Variants in CSMD1 observed in about 807,000 individuals in gnomAD.
The protein encoded by CSMD1 is CUB and sushi domain-containing protein 1.
In CSMD1, 213 loss-of-function variants were observed where a neutral mutation model predicts 417.5. That is an observed-to-expected ratio of 0.51 (90% CI 0.46 to 0.57). The LOEUF (loss-of-function observed/expected upper bound fraction) is 0.57, where lower values mean the gene tolerates loss of function less well. CSMD1 is among the 20% of genes least tolerant of loss of function. CSMD1 has a pLI of 0.00. For missense variants in CSMD1, 6,923 were observed against 4,529.7 expected, an observed-to-expected ratio of 1.53 and a Z score of -15.17; for synonymous variants, 2,862 against 1,736.8, an observed-to-expected ratio of 1.65 and a Z score of -16.11.
Position 2,935,668 on chromosome 8 carries a change from A to C in CSMD1, c.*2917T>G, listed in dbSNP as rs965052101. The C allele has an allele frequency of 1.3e-5, 2 of 152,210 alleles. No individual in the cohort carries two copies. Among genetic ancestry groups the C allele is most frequent in the African/African-American group, 4.8e-5 (2 of 41,464 alleles). The allele number at this position is 152,210 out of a possible 1,614,324, so 9.4% of individuals were successfully genotyped here. A position where few individuals can be genotyped will look rare whatever the true frequency, so the allele number is the denominator to read the frequency against. ...TTTACAAATTCTTCATAAAAAATATATCTCTGTACAAAAAGGTCTTTCGCA... is the reference window on the plus strand; with the variant it reads ...TTTACAAATTCTTCATAAAAAATATCTCTCTGTACAAAAAGGTCTTTCGCA... On this transcript the variant is annotated 3_prime_UTR_variant, in exon 70 of 70. Transcript: ENST00000635120.
intron 18 of CSMD1, among the ~76,000 whole-genome samples, chr8:3,372,792 G>T (rs185799993): frequency 6.6e-6 from 1 of 152,176 alleles, no homozygotes; most frequent in African/African-American, 2.4e-5. Flanking sequence ...GGCCATGGAA[G>T]AGGGTTGAGC....
chr8:4,202,863 C>T (rs928858832), intron 3 of CSMD1, among the ~76,000 whole-genome samples: 3 of 152,110 alleles, frequency 2.0e-5, no homozygotes, highest in African/African-American at 7.2e-5. Flanking sequence ...ATGCAGGTAC[C>T]TGAGAAATAG....
At chr8:3,394,000 TAAAA>T (rs1162857302) in intron 17 of CSMD1, among the ~76,000 whole-genome samples, 4 of 29,416 alleles carry the variant, frequency 1.4e-4, no homozygotes, top group Admixed American at 5.1e-4. Flanking sequence ...ATAATAATAA[TAAAA>T]AAATAAATTA....
At chr8:3,686,219 C>A (rs1175864105) in intron 7 of CSMD1, among the ~76,000 whole-genome samples, 1 of 152,114 alleles carries the variant, frequency 6.6e-6, no homozygotes, top group Non-Finnish European at 1.5e-5. Flanking sequence ...GTGGGTCACC[C>A]CCTTGAGTTA....
rs552779823 is a variant in CSMD1 at position 4,517,640 on chromosome 8, G to A, written c.303-97575C>T. Among the ~76,000 whole-genome samples the A allele has an allele frequency of 5.9e-5, 9 of 152,246 alleles. No individual in the cohort carries two copies. The South Asian group carries it at 8.3e-4, about 14-fold the overall frequency. ...GAGCCTTTAAACACCTAAGAGCCAC[G>A]AAGTTATTCAAACTGAATAAATGGG... On this transcript the variant is annotated intron_variant, in intron 2 of 69. Transcript: ENST00000635120.
rs1797558444 is a variant in CSMD1, at chr8:4,035,287, T to C, written c.416-3188A>G. ...CATACAAATCTTCAGCACATACAAT[T>C]AGGTTCACTGCATATGCTTGATGAT... On this transcript the variant is annotated intron_variant, in intron 3 of 69. Coordinates refer to ENST00000635120, the MANE Select transcript of CSMD1 (RefSeq NM_033225.6). Among the ~76,000 whole-genome samples, 3 of 152,284 alleles carry C rather than the reference T, an allele frequency of 2.0e-5. No individual in the cohort carries two copies. In the South Asian group the frequency reaches 6.2e-4, roughly 32 times the overall value.
intron 1 of CSMD1, among the ~76,000 whole-genome samples, chr8:4,956,834 C>G (rs1388173332): frequency 3.3e-5 from 5 of 152,274 alleles, no homozygotes; most frequent in African/African-American, 1.2e-4. Context: ...CTTCCACGCA[C>G]CTCCTGCAGA....
At chr8:4,715,064 G>C (rs774751108) in intron 1 of CSMD1, among the ~76,000 whole-genome samples, 1 of 152,000 alleles carries the variant, frequency 6.6e-6, no homozygotes, top group Non-Finnish European at 1.5e-5. Flanking sequence ...TGTTATTTAA[G>C]TCCAGATAAT....
chr8:3,813,182 C>T (rs1295323840), intron 5 of CSMD1, among the ~76,000 whole-genome samples: 1 of 148,408 alleles, frequency 6.7e-6, no homozygotes, highest in Non-Finnish European at 1.5e-5. Flanking sequence ...AAATTCATGA[C>T]ATAATTTTAC....
chr8:4,835,907 T>C (rs941227134), intron 1 of CSMD1, among the ~76,000 whole-genome samples: 2 of 152,094 alleles, frequency 1.3e-5, no homozygotes, highest in Admixed American at 6.6e-5. Context: ...TTTTTGGAAA[T>C]GTAAGTACAG....
chr8:4,316,372 G>T (rs1214877351), intron 3 of CSMD1, among the ~76,000 whole-genome samples: 1 of 152,084 alleles, frequency 6.6e-6, no homozygotes, highest in Admixed American at 6.5e-5. Flanking sequence ...ACTCTGGGCT[G>T]CCACAGACCT....
intron 1 of CSMD1, among the ~76,000 whole-genome samples, chr8:4,860,922 A>T (rs781632501): frequency 3.9e-5 from 6 of 152,064 alleles, no homozygotes; most frequent in Non-Finnish European, 7.4e-5. Context: ...ATCTCTGTTC[A>T]TCCCTCAAAC....
chr8:3,994,899 A>T (rs1430066079), intron 5 of CSMD1, among the ~76,000 whole-genome samples: 2 of 152,102 alleles, frequency 1.3e-5, no homozygotes, highest in African/African-American at 4.8e-5. Flanking sequence ...GCCCTTTTTT[A>T]AAAATAGATT....
intron 5 of CSMD1, among the ~76,000 whole-genome samples, chr8:3,959,872 G>T (rs189921014): frequency 6.6e-6 from 1 of 152,190 alleles, no homozygotes; most frequent in Non-Finnish European, 1.5e-5. Context: ...GGTATATAAC[G>T]TGTGATCTGC....
At chr8:3,748,576 G>C (rs902270260) in intron 6 of CSMD1, among the ~76,000 whole-genome samples, 1 of 152,176 alleles carries the variant, frequency 6.6e-6, no homozygotes, top group Admixed American at 6.5e-5. Context: ...TGTTTTAAAA[G>C]GAGAGGCAAC....
intron 4 of CSMD1, among the ~76,000 whole-genome samples, chr8:4,017,100 T>C (rs995455129): frequency 6.6e-6 from 1 of 152,310 alleles, no homozygotes; most frequent in South Asian, 2.1e-4. Context: ...GACCGCGGTG[T>C]TCAGCCAGCC....
chr8:3,002,855 C>T (rs1005234920), intron 52 of CSMD1, among the ~76,000 whole-genome samples: 1 of 152,288 alleles, frequency 6.6e-6, no homozygotes, highest in African/African-American at 2.4e-5. Flanking sequence ...ATGGTCATTT[C>T]GGTTCTCTGA....
Position 4,522,902 on chromosome 8 carries a change from G to C in CSMD1, c.303-102837C>G, listed in dbSNP as rs116459499. 2.0e-5 allele frequency among the ~76,000 whole-genome samples: 3 copies of C among 152,136 alleles called. No individual in the cohort carries two copies. The East Asian group carries it at 5.8e-4, about 29-fold the overall frequency. ...AGGAGCTTACTTCCATAATCCTAAGGATCCTACAAATAAGGACATTGCTGT... is the reference window on the plus strand; with the variant it reads ...AGGAGCTTACTTCCATAATCCTAAGCATCCTACAAATAAGGACATTGCTGT... On this transcript the variant is annotated intron_variant, in intron 2 of 69. Transcript: ENST00000635120.
chr8:4,557,435 T>C (rs1325413212), intron 2 of CSMD1, among the ~76,000 whole-genome samples: 6 of 152,168 alleles, frequency 3.9e-5, no homozygotes, highest in Non-Finnish European at 1.5e-5. Context: ...CGAGGTTTTT[T>C]TTTTTTGAAA....
Sources: allele counts gnomAD v4.1 joint callset (sites outside exome capture counted in the v4.1 genomes callset), GRCh38; gene constraint gnomAD v4.1.1; transcripts MANE v1.5; gene names NCBI Gene and HGNC (gene_info 2026-07-23, HGNC 2026-07-21).